Variants in GALNT15 observed in about 807,000 individuals in gnomAD.
GALNT15 encodes the protein UDP-GalNAc transferase T15.
Under a neutral mutation model 66.8 loss-of-function variants are expected in GALNT15, and 67 were observed. The ratio of observed to expected loss-of-function variants is 1.00; its 90% confidence interval spans 0.82 to 1.23. The LOEUF (loss-of-function observed/expected upper bound fraction) is 1.23. GALNT15 is among the 50% of genes most tolerant of loss of function. The pLI is 0.00. For missense variants in GALNT15, 827 were observed against 804.3 expected, an observed-to-expected ratio of 1.03 and a Z score of -0.34; for synonymous variants, 313 against 311.5, an observed-to-expected ratio of 1.00 and a Z score of -0.05.
downstream of GALNT15, among the ~76,000 whole-genome samples, chr3:16,230,219 C>A (rs1409203183): frequency 1.3e-5 from 2 of 152,142 alleles, no homozygotes; most frequent in Non-Finnish European, 2.9e-5. This position sits in a 1 kb window ranked among gnomAD's most constrained non-coding sequence, Gnocchi z 4.5. Flanking sequence ...AGAGAAGTGT[C>A]CGGCCAGCAG....
At position 16,195,632 on chromosome 3, in the gene GALNT15, A is replaced by G; in HGVS notation, c.540-128A>G. ...CAGGTTCTTTTTATATGGGAATTTT[A>G]AGAGATCCCATAGGACAGCCATATA... On this transcript the variant is annotated intron_variant, in intron 1 of 9. Transcript: ENST00000339732. The surrounding 1 kb of genome is among the most constrained non-coding windows in gnomAD (Gnocchi z 4.6). 3.0e-6 allele frequency: 2 copies of G among 677,878 alleles called. No individual in the cohort carries two copies. Among genetic ancestry groups the G allele is most frequent in the Non-Finnish European group, 4.7e-6 (2 of 421,166 alleles). The allele number at this position is 677,878 out of a possible 1,614,324, so 42.0% of individuals were successfully genotyped here. A position where few individuals can be genotyped will look rare whatever the true frequency, so the allele number is the denominator to read the frequency against.
rs558381282 is a variant in GALNT15 at position 16,208,164 on chromosome 3, A to G, written c.912-339A>G. Among the ~76,000 whole-genome samples, 3 of 152,354 alleles carry G rather than the reference A, an allele frequency of 2.0e-5. No homozygotes were observed. The East Asian group carries it at 5.8e-4, about 29-fold the overall frequency. On this transcript the variant is annotated intron_variant, in intron 3 of 9. Coordinates refer to ENST00000339732, the MANE Select transcript of GALNT15 (RefSeq NM_054110.5). ...AATATAAATATAACACAAGCCACAT[A>G]TGTAATTAAAATACTTCTAATAGTC...
At chr3:16,192,137 A>T (rs2063585439) in intron 1 of GALNT15, among the ~76,000 whole-genome samples, 1 of 152,208 alleles carries the variant, frequency 6.6e-6, no homozygotes, top group African/African-American at 2.4e-5. Context: ...TCAAATCTAA[A>T]TATGTCTGAT....
Position 16,203,539 on chromosome 3 carries a change from T to TCACACA in GALNT15, c.911+2717_911+2718insACACAC, listed in dbSNP as rs1308840649. On this transcript the variant is annotated intron_variant, in intron 3 of 9. Coordinates refer to ENST00000339732, the MANE Select transcript of GALNT15 (RefSeq NM_054110.5). The surrounding 1 kb of genome is among the most constrained non-coding windows in gnomAD (Gnocchi z 6.2). ...CACTCATTCTCTCTCTCTCTCTCTC[T>TCACACA]CTCTCACACACACACACACACACAC... 7.5e-5 allele frequency among the ~76,000 whole-genome samples: 4 copies of TCACACA among 53,310 alleles called. No homozygotes were observed. In the East Asian group the frequency reaches 2.2e-3, roughly 30 times the overall value. 35.0% of individuals were successfully genotyped at this position (53,310 alleles called of 152,430 possible).
In GALNT15 at chr3:16,222,618, C is replaced by CT; in HGVS notation, c.1634dup (p.Gln546AlafsTer68). ...ACAACTATTGCTTCTGTCACAGTACCTGCAGCACACCAGCAGGAAGGAGAT... is the reference window on the plus strand; with the variant it reads ...ACAACTATTGCTTCTGTCACAGTACCTTGCAGCACACCAGCAGGAAGGAGAT... On this transcript the variant is annotated frameshift_variant, in exon 9 of 10. Transcript: ENST00000339732. LOFTEE classifies it high-confidence loss of function. 6.2e-7 allele frequency: 1 copy of CT among 1,614,236 alleles called. No homozygotes were observed. Among genetic ancestry groups the CT allele is most frequent in the Non-Finnish European group, 8.5e-7 (1 of 1,180,036 alleles).
rs770615479 is a variant in GALNT15, at chr3:16,222,720, G to T, written c.1735G>T (p.Gly579Cys). ...QVILQNCTEE[G>C]LAIHQQHWDF... ...GATTCTTCAGAACTGCACGGAGGAA[G>T]GCCTGGCCATCCACCAGCAGCACTG... The change falls in exon 9 of 10, where the codon GGC (glycine) becomes TGC (cysteine). Residue 579 changes from glycine to cysteine, a missense_variant. Physicochemically the swap from Gly to Cys is radical, Grantham distance 159. Coordinates refer to ENST00000339732, the MANE Select transcript of GALNT15 (RefSeq NM_054110.5). The T allele has an allele frequency of 6.2e-7, 1 of 1,614,230 alleles. No individual in the cohort carries two copies. The highest frequency in any genetic ancestry group is 8.5e-7 in the Non-Finnish European group (1 of 1,180,040).
At chr3:16,221,256 CTTTTTT>C (rs60472018) in intron 8 of GALNT15, among the ~76,000 whole-genome samples, 1 of 140,250 alleles carries the variant, frequency 7.1e-6, no homozygotes, top group East Asian at 2.0e-4. Context: ...CTTTCTTGTT[CTTTTTT>C]TTTTTTTTTG....
At chr3:16,205,017 C>A (rs926285144) in intron 3 of GALNT15, among the ~76,000 whole-genome samples, 18 of 152,186 alleles carry the variant, frequency 1.2e-4, no homozygotes, top group African/African-American at 4.1e-4. Context: ...CTCCTGCCCC[C>A]CCAGAGGGAG....
rs2063474493 is a variant in GALNT15, at chr3:16,181,792, C to A, written c.539+6102C>A. On this transcript the variant is annotated intron_variant, in intron 1 of 9. Coordinates refer to ENST00000339732, the MANE Select transcript of GALNT15 (RefSeq NM_054110.5). The surrounding 1 kb of genome is among the most constrained non-coding windows in gnomAD (Gnocchi z 5.9). ...TCCCCCCACAAGAGAGGGAAGACAA[C>A]CCAGTATGGGCAGTGTGAGTGGTGC... is the stretch of plus-strand genomic sequence containing the variant. 6.6e-6 allele frequency among the ~76,000 whole-genome samples: 1 copy of A among 152,160 alleles called. No homozygotes were observed. The highest frequency in any genetic ancestry group is 1.5e-5 in the Non-Finnish European group (1 of 68,030).
At chr3:16,194,105 G>A (rs957564976) in intron 1 of GALNT15, among the ~76,000 whole-genome samples, 4 of 152,152 alleles carry the variant, frequency 2.6e-5, no homozygotes, top group Admixed American at 6.5e-5. Context: ...AACATTCAGC[G>A]CTGCCACTTG....
chr3:16,190,511 G>T (rs900982382), intron 1 of GALNT15, among the ~76,000 whole-genome samples: 4 of 152,016 alleles, frequency 2.6e-5, no homozygotes, highest in African/African-American at 7.2e-5. Context: ...GGTGGCGGGC[G>T]CCTGTAGTCC....
chr3:16,229,449 C>A lies in GALNT15; in HGVS notation c.*1949C>A, dbSNP rs1191114738. 1 of 960,216 alleles carries A rather than the reference C, an allele frequency of 1.0e-6. No individual in the cohort carries two copies. The highest frequency in any genetic ancestry group is 1.1e-4 in the East Asian group (1 of 8,704). 59.5% of individuals were successfully genotyped at this position (960,216 alleles called of 1,614,324 possible). A position where few individuals can be genotyped will look rare whatever the true frequency, so the allele number is the denominator to read the frequency against. On this transcript the variant is annotated 3_prime_UTR_variant, in exon 10 of 10. Transcript: ENST00000339732. ...TGGCGAGCATGGATATAGAACATTTCATCACAGTTCTGTTGGACCAATCTA... is the reference window on the plus strand; with the variant it reads ...TGGCGAGCATGGATATAGAACATTTAATCACAGTTCTGTTGGACCAATCTA...
chr3:16,208,632 T>C lies in GALNT15; in HGVS notation c.1041T>C (p.His347=). ...TCCACTGGGAACCTTTGCCAGAGCA[T>C]GTGAGGAAGGCCCTCCAGTCCCCCA... is the stretch of plus-strand genomic sequence containing the variant. ...LDFHWEPLPE[H]VRKALQSPIS... The change falls in exon 4 of 10, where the codon CAT becomes CAC. Residue 347 remains histidine, a synonymous_variant. Transcript: ENST00000339732. The C allele has an allele frequency of 6.2e-7, 1 of 1,614,054 alleles. No individual in the cohort carries two copies. The highest frequency in any genetic ancestry group is 8.5e-7 in the Non-Finnish European group (1 of 1,179,994).
chr3:16,207,001 C>T (rs1226370581), intron 3 of GALNT15, among the ~76,000 whole-genome samples: 1 of 152,170 alleles, frequency 6.6e-6, no homozygotes, highest in African/African-American at 2.4e-5. Flanking sequence ...ATACAGGGTA[C>T]CCCAAAATAG....
chr3:16,174,996 C>T lies in GALNT15; in HGVS notation c.-156C>T, dbSNP rs2063389103. 9.3e-6 allele frequency: 6 copies of T among 645,242 alleles called. No individual in the cohort carries two copies. Among genetic ancestry groups the T allele is most frequent in the Non-Finnish European group, 1.6e-5 (6 of 377,948 alleles). The allele number at this position is 645,242 out of a possible 1,614,324, so 40.0% of individuals were successfully genotyped here. ...ATTGTAAGTGGAAGCAGGTCTTGCA[C>T]ACGCTGTTGGCAAATGTCAGGACCA... On this transcript the variant is annotated 5_prime_UTR_variant, in exon 1 of 10. Transcript: ENST00000339732. This position sits in a 1 kb window ranked among gnomAD's most constrained non-coding sequence, Gnocchi z 4.7.
At chr3:16,196,406 C>T (rs911043666) in intron 2 of GALNT15, among the ~76,000 whole-genome samples, 1 of 152,112 alleles carries the variant, frequency 6.6e-6, no homozygotes, top group Admixed American at 6.5e-5. Context: ...GAAACTGGGG[C>T]CCAGAGAAGA....
chr3:16,195,624 G>C lies in GALNT15; in HGVS notation c.540-136G>C. 1 of 624,918 alleles carries C rather than the reference G, an allele frequency of 1.6e-6. No individual in the cohort carries two copies. The highest frequency in any genetic ancestry group is 2.7e-5 in the East Asian group (1 of 37,020). 38.7% of individuals were successfully genotyped at this position (624,918 alleles called of 1,614,324 possible). On this transcript the variant is annotated intron_variant, in intron 1 of 9. Transcript: ENST00000339732. This position sits in a 1 kb window ranked among gnomAD's most constrained non-coding sequence, Gnocchi z 4.6. ...AGGCGTAACAGGTTCTTTTTATATG[G>C]GAATTTTAAGAGATCCCATAGGACA... is the stretch of plus-strand genomic sequence containing the variant.
At chr3:16,208,171 TA>T (rs1474947366) in intron 3 of GALNT15, among the ~76,000 whole-genome samples, 1 of 152,208 alleles carries the variant, frequency 6.6e-6, no homozygotes, top group Non-Finnish European at 1.5e-5. Context: ...CATATGTAAT[TA>T]AAATACTTCT....
In GALNT15 at chr3:16,176,048, T is replaced by G. The variant is rs1194065539; in HGVS notation, c.539+358T>G. Among the ~76,000 whole-genome samples the G allele has an allele frequency of 6.6e-6, 1 of 152,148 alleles. No individual in the cohort carries two copies. Among genetic ancestry groups the G allele is most frequent in the Non-Finnish European group, 1.5e-5 (1 of 68,042 alleles). ...CTAGTTCTTCTGTCTTTAGGTCAAA[T>G]GGCTTTATTTCTATAACACAGAAGG... On this transcript the variant is annotated intron_variant, in intron 1 of 9. Coordinates refer to ENST00000339732, the MANE Select transcript of GALNT15 (RefSeq NM_054110.5). The surrounding 1 kb of genome is among the most constrained non-coding windows in gnomAD (Gnocchi z 5.6).
Sources: gnomAD v4.1 joint callset for allele counts (sites outside exome capture counted in the v4.1 genomes callset) on GRCh38, gnomAD v4.1.1 for gene constraint, Gnocchi (gnomAD v3.1) non-coding constraint, MANE v1.5 for transcripts, NCBI Gene and HGNC (gene_info 2026-07-23, HGNC 2026-07-21) for gene names.